The following PI4KA variants were observed in gnomAD, a reference collection of about 807,000 sequenced individuals.
PI4KA encodes the protein PI4-kinase alpha.
PI4KA carries 122 observed loss-of-function variants against 271.4 expected under a neutral mutation model. The ratio of observed to expected loss-of-function variants is 0.45; its 90% CI spans 0.39 to 0.52. The LOEUF (loss-of-function observed/expected upper bound fraction) is 0.52. PI4KA is among the 20% of genes least tolerant of loss of function. The pLI is 0.00. For missense variants in PI4KA, 1,969 were observed against 2,769.1 expected (o/e 0.71, Z 6.48); for synonymous variants, 1,041 against 1,078.8 (o/e 0.96, Z 0.69).
intron 27 of PI4KA, among the ~76,000 whole-genome samples, chr22:20,750,336 G>A (rs1448865249): frequency 6.6e-6 from 1 of 152,214 alleles, no homozygotes; most frequent in African/African-American, 2.4e-5. Flanking sequence ...AAGCCAAGGA[G>A]AGAGGTCTCC....
chr22:20,791,898 C>T (rs1934670230), intron 19 of PI4KA, among the ~76,000 whole-genome samples: 1 of 152,194 alleles, frequency 6.6e-6, no homozygotes, highest in South Asian at 2.1e-4. Flanking sequence ...GCCAGGAGTT[C>T]GAGACCAGCC....
rs113501783 is a variant in PI4KA, at chr22:20,789,988, C to A, written c.2328+3205G>T. 7.3e-3 allele frequency among the ~76,000 whole-genome samples: 1,117 copies of A among 152,290 alleles called. 11 individuals carry two copies. The highest frequency in any genetic ancestry group is 0.025 in the African/African-American group (1,040 of 41,548). Reference sequence around the variant, plus strand: ...ATGAATGTTTTTCCAGAAGGAGGTGCATCTTATTAAATCACTATTATATGA... The same window carrying A: ...ATGAATGTTTTTCCAGAAGGAGGTGAATCTTATTAAATCACTATTATATGA... On this transcript the variant is annotated intron_variant, in intron 19 of 54. Coordinates refer to ENST00000255882, the MANE Select transcript of PI4KA (RefSeq NM_058004.4).
At chr22:20,779,763 A>T in intron 19 of PI4KA, 1 of 1,614,190 alleles carries the variant, frequency 6.2e-7, no homozygotes, top group South Asian at 1.1e-5. Context: ...TTTCGATAAC[A>T]TCTTCATAGC....
At position 20,802,190 on chromosome 22, in the gene PI4KA, T is replaced by C. The variant is rs74638239; in HGVS notation, c.1592-85A>G. The C allele has an allele frequency of 2.2e-5, 27 of 1,236,744 alleles. No individual in the cohort carries two copies. The East Asian group carries it at 3.3e-4, about 15-fold the overall frequency. The allele number at this position is 1,236,744 out of a possible 1,614,324, so 76.6% of individuals were successfully genotyped here. A position where few individuals can be genotyped will look rare whatever the true frequency, so the allele number is the denominator to read the frequency against. On this transcript the variant is annotated intron_variant, in intron 13 of 54. Coordinates refer to ENST00000255882, the MANE Select transcript of PI4KA (RefSeq NM_058004.4). Reference sequence around the variant, plus strand: ...TTGTAATTCAAAAACCAAGATAATATGCTGATCATTTATAAAAGCAAAATG... The same window carrying C: ...TTGTAATTCAAAAACCAAGATAATACGCTGATCATTTATAAAAGCAAAATG...
rs771958016 is a variant in PI4KA at position 20,764,821 on chromosome 22, T to C, written c.2704A>G (p.Met902Val). The change falls in exon 22 of 55, where the codon ATG becomes GTG. Residue 902 changes from methionine (M) to valine (V), a missense_variant. Coordinates refer to ENST00000255882, the MANE Select transcript of PI4KA (RefSeq NM_058004.4). Reference protein sequence around the residue: ...YLLSVYRLEYMRVLRSTDPDR... With the variant: ...YLLSVYRLEYVRVLRSTDPDR... ...TGGTGGTGAAGGCACGTGTACCTCATGTACTCCAGCCGGTACACAGAGAGG... is the reference window on the plus strand; with the variant it reads ...TGGTGGTGAAGGCACGTGTACCTCACGTACTCCAGCCGGTACACAGAGAGG... The C allele has an allele frequency of 8.7e-6, 14 of 1,611,758 alleles. No homozygotes were observed. The South Asian group carries it at 1.3e-4, about 15-fold the overall frequency.
chr22:20,792,465 C>T (rs1279921881), intron 19 of PI4KA, among the ~76,000 whole-genome samples: 1 of 152,168 alleles, frequency 6.6e-6, no homozygotes, highest in Non-Finnish European at 1.5e-5. Context: ...ACTCAAACTA[C>T]TATGGGGTGA....
chr22:20,825,531 G>A (rs1048625411), intron 3 of PI4KA, among the ~76,000 whole-genome samples: 5 of 152,164 alleles, frequency 3.3e-5, no homozygotes, highest in Admixed American at 3.3e-4. Flanking sequence ...GGAGGTGGAG[G>A]TTGCAGTGAA....
intron 17 of PI4KA, 86 bp downstream of exon 17, chr22:20,798,498 A>C: frequency 1.1e-6 from 1 of 882,708 alleles, no homozygotes; most frequent in Non-Finnish European, 1.9e-6. Context: ...AGAAGAGTTT[A>C]TTTAAGAGAC....
At chr22:20,801,493 G>A (rs957274140) in intron 14 of PI4KA, among the ~76,000 whole-genome samples, 2 of 151,972 alleles carry the variant, frequency 1.3e-5, no homozygotes, top group African/African-American at 2.4e-5. Context: ...GCTGAGGCAG[G>A]AGAATTGCAT....
chr22:20,749,593 G>A (rs1340194523), intron 28 of PI4KA, among the ~76,000 whole-genome samples: 1 of 148,566 alleles, frequency 6.7e-6, no homozygotes, highest in Non-Finnish European at 1.5e-5. Context: ...GCTGCCATCT[G>A]GCAGCCTCCC....
chr22:20,769,698 G>T (rs1351872115), intron 19 of PI4KA, among the ~76,000 whole-genome samples: 1 of 151,916 alleles, frequency 6.6e-6, no homozygotes, highest in Admixed American at 6.6e-5. Flanking sequence ...GGTCAGGGGG[G>T]AAGTGGGAAG....
Position 20,802,015 on chromosome 22 carries a change from A to G in PI4KA, c.1682T>C (p.Met561Thr), listed in dbSNP as rs768033170. 3.1e-6 allele frequency: 5 copies of G among 1,614,166 alleles called. No homozygotes were observed. Among genetic ancestry groups the G allele is most frequent in the Middle Eastern group, 1.6e-4 (1 of 6,062 alleles). The stretch of plus-strand genomic sequence containing the variant: ...AGCGATGTCTCGGAGCTGCTCGTAC[A>G]TGGAGGGCTGGCTCTTCTTACCCGA... ...VMSGKKSQPS[M>T]YEQLRDIAID... Residue 561 changes from methionine (M) to threonine (T), a missense_variant, in exon 14 of 55, where the codon ATG becomes ACG. By Grantham distance (81) the Met-to-Thr change is moderately conservative. Coordinates refer to ENST00000255882, the MANE Select transcript of PI4KA (RefSeq NM_058004.4).
intron 19 of PI4KA, chr22:20,787,022 T>C: frequency 1.9e-6 from 3 of 1,614,228 alleles, no homozygotes; most frequent in South Asian, 2.2e-5. Flanking sequence ...TCGCACCAGC[T>C]GCCTGCTCTT....
intron 39 of PI4KA, among the ~76,000 whole-genome samples, chr22:20,729,067 C>T (rs1246479374): frequency 6.6e-6 from 1 of 152,232 alleles, no homozygotes; most frequent in Non-Finnish European, 1.5e-5. Flanking sequence ...CACCCTGCTG[C>T]TACCTCCCTA....
intron 23 of PI4KA, among the ~76,000 whole-genome samples, chr22:20,760,514 T>A (rs1348352013): frequency 6.6e-6 from 1 of 152,178 alleles, no homozygotes; most frequent in Non-Finnish European, 1.5e-5. Context: ...TTTAAAAAAA[T>A]TAAGGTATAA....
At chr22:20,720,637 C>G (rs1926626329) in intron 43 of PI4KA, among the ~76,000 whole-genome samples, 1 of 152,200 alleles carries the variant, frequency 6.6e-6, no homozygotes, top group Non-Finnish European at 1.5e-5. Flanking sequence ...TAACATACAA[C>G]TTCCTTTTTC....
chr22:20,776,064 G>GT (rs1933246687), intron 19 of PI4KA, among the ~76,000 whole-genome samples: 1 of 152,184 alleles, frequency 6.6e-6, no homozygotes, highest in Middle Eastern at 3.2e-3. Flanking sequence ...ACTCATACCT[G>GT]TAATTCCAGC....
At chr22:20,833,772 G>A (rs546907036) in intron 3 of PI4KA, among the ~76,000 whole-genome samples, 1 of 148,216 alleles carries the variant, frequency 6.7e-6, no homozygotes, top group African/African-American at 2.5e-5. Flanking sequence ...CAATTCTTCT[G>A]CCTCAGCCTC....
chr22:20,824,777 CACAA>C (rs1188936569), intron 3 of PI4KA, among the ~76,000 whole-genome samples: 25 of 122,180 alleles, frequency 2.0e-4, no homozygotes, highest in African/African-American at 6.6e-4. Flanking sequence ...CACACACACA[CACAA>C]AACACTCGGC....
Sources: allele counts gnomAD v4.1 joint callset (sites outside exome capture counted in the v4.1 genomes callset), GRCh38; gene constraint gnomAD v4.1.1; transcripts MANE v1.5; gene names NCBI Gene and HGNC (gene_info 2026-07-23, HGNC 2026-07-21).